FYTTD1: variants seen among roughly 807,000 people sequenced by gnomAD.
FYTTD1 encodes forty-two-three domain containing 1.
Under a neutral mutation model 40.9 loss-of-function variants are expected in FYTTD1, and 22 were observed. The ratio of observed to expected loss-of-function variants is 0.54; its 90% CI spans 0.38 to 0.77. FYTTD1 has a LOEUF of 0.77. Among genes scored for constraint, FYTTD1 ranks in the 30% least tolerant of loss-of-function variants. FYTTD1 has a pLI of 0.00. For synonymous variants in FYTTD1, 140 were observed against 137.9 expected, an observed-to-expected ratio of 1.01 and a Z score of -0.10; for missense variants, 351 against 392.2, an observed-to-expected ratio of 0.90 and a Z score of 0.89.
At chr3:197,750,797 A>T (rs980166505) in intron 1 of FYTTD1, 2 of 985,344 alleles carry the variant, frequency 2.0e-6, no homozygotes, top group Admixed American at 1.2e-4. Context: ...AGGAGAGATG[A>T]TTGCTGTGGC....
chr3:197,749,899 T>C lies in FYTTD1; in HGVS notation c.-73T>C. ...CGCTCCCTCGGTGCGGCGGGCTGCG[T>C]GCGCGAGTGGGAGGTGGCAGGCCTG... is the stretch of plus-strand genomic sequence containing the variant. On this transcript the variant is annotated 5_prime_UTR_variant, in exon 1 of 9. Transcript: ENST00000241502. The C allele has an allele frequency of 1.1e-6, 1 of 945,002 alleles. No individual in the cohort carries two copies. The allele number at this position is 945,002 out of a possible 1,614,324, so 58.5% of individuals were successfully genotyped here. A position where few individuals can be genotyped will look rare whatever the true frequency, so the allele number is the denominator to read the frequency against.
At position 197,776,938 on chromosome 3, in the gene FYTTD1, C is replaced by T. The variant is rs1166401118; in HGVS notation, c.668C>T (p.Ser223Phe). The T allele has an allele frequency of 6.2e-7, 1 of 1,607,654 alleles. No homozygotes were observed. The highest frequency in any genetic ancestry group is 8.5e-7 in the Non-Finnish European group (1 of 1,174,854). Reference sequence around the variant, plus strand: ...TTTTTTGAAACTAGATGGCGGACTTCCACCACAAATGGAGGGATTTTGACT... The same window carrying T: ...TTTTTTGAAACTAGATGGCGGACTTTCACCACAAATGGAGGGATTTTGACT... Reference protein sequence around the residue: ...VAKRTRQWRTSTTNGGILTVS... With the variant: ...VAKRTRQWRTFTTNGGILTVS... The change falls in exon 7 of 9, where the codon TCC (serine) becomes TTC (phenylalanine). Residue 223 changes from serine to phenylalanine, a missense_variant. By Grantham distance (155) the Ser-to-Phe change is radical. Transcript: ENST00000241502.
intron 6 of FYTTD1, among the ~76,000 whole-genome samples, chr3:197,776,569 G>A (rs1215305145): frequency 6.6e-6 from 1 of 151,700 alleles, no homozygotes; most frequent in Non-Finnish European, 1.5e-5. Flanking sequence ...TAGTGAATTG[G>A]AAGTAACCAG....
At chr3:197,774,356 A>G (rs1221841842) in intron 6 of FYTTD1, 146 bp downstream of exon 6, 1 of 670,898 alleles carries the variant, frequency 1.5e-6, no homozygotes, top group African/African-American at 1.8e-5. Flanking sequence ...GGTGCTACAC[A>G]CCTGTAATCC....
intron 3 of FYTTD1, 44 bp downstream of exon 3, chr3:197,768,631 A>C: frequency 6.5e-7 from 1 of 1,529,708 alleles, no homozygotes; most frequent in Non-Finnish European, 8.9e-7. Context: ...CTTTTCCTTT[A>C]TTTGTACTAA....
intron 6 of FYTTD1, 51 bp downstream of exon 6, chr3:197,774,261 T>C (rs776955759): frequency 7.2e-7 from 1 of 1,389,442 alleles, no homozygotes; most frequent in South Asian, 1.2e-5. Context: ...CCCAGAATAC[T>C]AACTACCCAA....
At chr3:197,749,695 T>C, upstream of FYTTD1, 1 of 646,572 alleles carries the variant, frequency 1.5e-6, no homozygotes, top group South Asian at 1.5e-5. Flanking sequence ...AAAGTCGAAC[T>C]GCTCACAACG....
Position 197,758,881 on chromosome 3 carries a change from G to A in FYTTD1, c.235+2324G>A, listed in dbSNP as rs143294275. Among the ~76,000 whole-genome samples the A allele has an allele frequency of 6.6e-5, 10 of 152,334 alleles. No homozygotes were observed. The South Asian group carries it at 1.7e-3, about 25-fold the overall frequency. On this transcript the variant is annotated intron_variant, in intron 2 of 8. Transcript: ENST00000241502. ...GGACAGAGGAGCTCTTTGCAGATCC[G>A]CGGTATGATTTCTGATGGCTGAACA...
intron 8 of FYTTD1, 51 bp downstream of exon 8, chr3:197,778,515 T>G: frequency 7.6e-7 from 1 of 1,318,660 alleles, no homozygotes; most frequent in East Asian, 2.3e-5. Context: ...AGTATTTTAA[T>G]TAACAAAGTA....
At chr3:197,758,555 A>G (rs986578653) in intron 2 of FYTTD1, among the ~76,000 whole-genome samples, 7 of 152,228 alleles carry the variant, frequency 4.6e-5, no homozygotes, top group African/African-American at 1.4e-4. Context: ...GAGTGATTTA[A>G]TGGATAAGGT....
At position 197,756,623 on chromosome 3, in the gene FYTTD1, G is replaced by A. The variant is rs568176005; in HGVS notation, c.235+66G>A. On this transcript the variant is annotated intron_variant, in intron 2 of 8. Transcript: ENST00000241502. ...GTGTGTTCATAGTGTACTGTCTTTA[G>A]CATATGCTTAACGTGGAGGAATGCG... 4.4e-5 allele frequency: 62 copies of A among 1,398,494 alleles called. No homozygotes were observed. In the East Asian group the frequency reaches 6.9e-4, roughly 15 times the overall value. The allele number at this position is 1,398,494 out of a possible 1,614,324, so 86.6% of individuals were successfully genotyped here. A position where few individuals can be genotyped will look rare whatever the true frequency, so the allele number is the denominator to read the frequency against.
chr3:197,749,880 C>T (rs1314943661), upstream of FYTTD1: 13 of 798,056 alleles, frequency 1.6e-5, no homozygotes, highest in Admixed American at 3.3e-4. Flanking sequence ...TGCGCGCTCC[C>T]TCGGTGCGGC....
chr3:197,776,240 C>CT (rs1320083520), intron 6 of FYTTD1, among the ~76,000 whole-genome samples: 1 of 147,812 alleles, frequency 6.8e-6, no homozygotes, highest in Non-Finnish European at 1.5e-5. Flanking sequence ...GAGTCTCGCT[C>CT]TGTTGCCCAG....
Position 197,755,660 on chromosome 3 carries a change from G to A in FYTTD1, c.104-766G>A, listed in dbSNP as rs183685881. 897 of 322,442 alleles carry A rather than the reference G, an allele frequency of 2.8e-3. 15 individuals are homozygous for A. Among genetic ancestry groups the A allele is most frequent in the African/African-American group, 4.3e-4 (17 of 39,114 alleles). 20.0% of individuals were successfully genotyped at this position (322,442 alleles called of 1,614,324 possible). A position where few individuals can be genotyped will look rare whatever the true frequency, so the allele number is the denominator to read the frequency against. ...TATTTATTTATTTATTTATTTATTT[G>A]TATTTTTAGTAGAGACGGGATTTCA... On this transcript the variant is annotated intron_variant, in intron 1 of 8. Transcript: ENST00000241502.
At chr3:197,771,115 G>A (rs1025353293) in intron 4 of FYTTD1, among the ~76,000 whole-genome samples, 13 of 152,272 alleles carry the variant, frequency 8.5e-5, no homozygotes, top group Non-Finnish European at 1.3e-4. Flanking sequence ...AGCTACTTAC[G>A]AGGCTGAGGC....
chr3:197,750,810 G>T (rs938122148), intron 1 of FYTTD1: 31 of 985,352 alleles, frequency 3.1e-5, no homozygotes, highest in African/African-American at 3.5e-5. Flanking sequence ...GCTGTGGCTC[G>T]CTGAGAAGCC....
At chr3:197,758,741 TACTG>T (rs1729280803) in intron 2 of FYTTD1, among the ~76,000 whole-genome samples, 1 of 152,234 alleles carries the variant, frequency 6.6e-6, no homozygotes, top group Admixed American at 6.5e-5. Flanking sequence ...CTGCCACTGT[TACTG>T]AATGTACAGA....
Position 197,777,633 on chromosome 3 carries a change from C to T in FYTTD1, c.731+632C>T, listed in dbSNP as rs570510735. Among the ~76,000 whole-genome samples, 12 of 152,274 alleles carry T rather than the reference C, an allele frequency of 7.9e-5. No individual in the cohort carries two copies. In the East Asian group the frequency reaches 2.3e-3, roughly 29 times the overall value. ...TAATGTTTTCGATGTCTTTATTTTT[C>T]AGACCATACAGACCTACGTTCTCTT... On this transcript the variant is annotated intron_variant, in intron 7 of 8. Coordinates refer to ENST00000241502, the MANE Select transcript of FYTTD1 (RefSeq NM_032288.7).
intron 2 of FYTTD1, among the ~76,000 whole-genome samples, chr3:197,766,460 T>TGTGTGTGTGTGTGTG (rs56732488): frequency 2.1e-4 from 32 of 150,846 alleles, no homozygotes; most frequent in Middle Eastern, 6.9e-3. Context: ...TGTGTGTGTG[T>TGTGTGTGTGTGTGTG]TTGAGACAGG....
Sources: allele counts gnomAD v4.1 joint callset (sites outside exome capture counted in the v4.1 genomes callset), GRCh38; gene constraint gnomAD v4.1.1; transcripts MANE v1.5; gene names NCBI Gene and HGNC (gene_info 2026-07-23, HGNC 2026-07-21).